JMJD1C: variants seen among roughly 807,000 people sequenced by gnomAD.
The protein encoded by JMJD1C is jumonji domain containing 1C.
In JMJD1C, 31 loss-of-function variants were observed where a neutral mutation model predicts 245.3. That is an observed-to-expected ratio of 0.13 (90% CI 0.09 to 0.17). JMJD1C has a LOEUF of 0.17. JMJD1C is among the 10% of genes least tolerant of loss of function. JMJD1C has a pLI of 1.00. For synonymous variants in JMJD1C, 1,057 were observed against 1,017.4 expected, an observed-to-expected ratio of 1.04 and a Z score of -0.74; for missense variants, 2,691 against 3,000.2, an observed-to-expected ratio of 0.90 and a Z score of 2.41.
rs1314438662 is a variant in JMJD1C, at chr10:63,465,895, C to G, written c.-233G>C. ...CGCAGCCTTGTGCTGCAGCGCCACA[C>G]AAGAAAACTGAAACAAAACCCAACG... On this transcript the variant is annotated 5_prime_UTR_variant, in exon 1 of 26. Coordinates refer to ENST00000399262, the MANE Select transcript of JMJD1C (RefSeq NM_032776.3). 3.1e-6 allele frequency: 2 copies of G among 649,088 alleles called. No individual in the cohort carries two copies. Among genetic ancestry groups the G allele is most frequent in the African/African-American group, 3.6e-5 (2 of 55,438 alleles). 40.2% of individuals were successfully genotyped at this position (649,088 alleles called of 1,614,324 possible). A position where few individuals can be genotyped will look rare whatever the true frequency, so the allele number is the denominator to read the frequency against.
chr10:63,174,341 C>T (rs1409297668), intron 24 of JMJD1C, among the ~76,000 whole-genome samples: 3 of 152,042 alleles, frequency 2.0e-5, no homozygotes, highest in African/African-American at 4.8e-5. Flanking sequence ...AATATTCATA[C>T]AACTACCCAG....
intron 3 of JMJD1C, among the ~76,000 whole-genome samples, chr10:63,246,944 T>A (rs887490642): frequency 1.3e-5 from 2 of 151,162 alleles, no homozygotes; most frequent in Non-Finnish European, 3.0e-5. Flanking sequence ...AAAGCGATAC[T>A]AAGAGGAAAG....
intron 2 of JMJD1C, among the ~76,000 whole-genome samples, chr10:63,267,015 C>T (rs1176296879): frequency 6.6e-6 from 1 of 152,086 alleles, no homozygotes; most frequent in East Asian, 1.9e-4. Flanking sequence ...TTTAAGATGT[C>T]TCATTGAAAG....
intron 2 of JMJD1C, among the ~76,000 whole-genome samples, chr10:63,292,486 C>T (rs970350890): frequency 6.6e-6 from 1 of 151,742 alleles, no homozygotes; most frequent in Non-Finnish European, 1.5e-5. Context: ...TGTTGCATGC[C>T]TATAGTCCTA....
chr10:63,452,102 A>T (rs898654567), intron 1 of JMJD1C, among the ~76,000 whole-genome samples: 1 of 152,228 alleles, frequency 6.6e-6, no homozygotes, highest in Admixed American at 6.5e-5. Context: ...GAACTACATT[A>T]AAATTTATAA....
At chr10:63,220,930 A>C (rs1162100235) in intron 3 of JMJD1C, among the ~76,000 whole-genome samples, 2 of 152,136 alleles carry the variant, frequency 1.3e-5, no homozygotes, top group African/African-American at 4.8e-5. Flanking sequence ...AACATGGTGA[A>C]ACCCCATCTC....
At chr10:63,356,474 T>C (rs1366721496) in intron 2 of JMJD1C, among the ~76,000 whole-genome samples, 1 of 152,212 alleles carries the variant, frequency 6.6e-6, no homozygotes, top group Non-Finnish European at 1.5e-5. Context: ...TTTGATTCCT[T>C]GAAATCCCTA....
intron 1 of JMJD1C, among the ~76,000 whole-genome samples, chr10:63,515,063 C>T (rs1019731401): frequency 1.3e-5 from 2 of 152,064 alleles, no homozygotes; most frequent in South Asian, 4.1e-4. Flanking sequence ...CTGGTGAGCC[C>T]GTGCCTCTAG....
chr10:63,461,376 A>C (rs1952787162), intron 1 of JMJD1C, among the ~76,000 whole-genome samples: 1 of 152,206 alleles, frequency 6.6e-6, no homozygotes, highest in South Asian at 2.1e-4. Flanking sequence ...TAATGATGCA[A>C]GACAATATAA....
chr10:63,245,153 AAAAAGAG>A (rs1471003400), intron 3 of JMJD1C, among the ~76,000 whole-genome samples: 4 of 149,442 alleles, frequency 2.7e-5, no homozygotes, highest in East Asian at 1.9e-4. Flanking sequence ...AAAAAAAAAA[AAAAAGAG>A]AGATTAAAAA....
intron 1 of JMJD1C, among the ~76,000 whole-genome samples, chr10:63,492,227 G>A (rs148415580): frequency 6.6e-6 from 1 of 152,092 alleles, no homozygotes; most frequent in African/African-American, 2.4e-5. Flanking sequence ...TAGAGACAGT[G>A]TTTCACCATG....
At chr10:63,286,237 C>A (rs1857967714) in intron 2 of JMJD1C, among the ~76,000 whole-genome samples, 1 of 152,180 alleles carries the variant, frequency 6.6e-6, no homozygotes, top group African/African-American at 2.4e-5. Context: ...TTTTGCTCCA[C>A]AATTTCAGAA....
intron 2 of JMJD1C, among the ~76,000 whole-genome samples, chr10:63,316,814 TTAAGG>T (rs1239251771): frequency 7.9e-5 from 12 of 152,270 alleles, no homozygotes; most frequent in African/African-American, 2.6e-4. Context: ...ATTGATCAAG[TTAAGG>T]TATTTAGAGT....
intron 1 of JMJD1C, among the ~76,000 whole-genome samples, chr10:63,405,769 G>A (rs1425999783): frequency 1.3e-5 from 2 of 152,196 alleles, no homozygotes; most frequent in East Asian, 1.9e-4. Context: ...AACTCTAGTA[G>A]TAAAAAGTAA....
intron 2 of JMJD1C, among the ~76,000 whole-genome samples, chr10:63,279,137 C>T (rs1329797831): frequency 6.6e-6 from 1 of 151,854 alleles, no homozygotes; most frequent in African/African-American, 2.4e-5. Context: ...GTAATCCCAG[C>T]TACTCAGGAG....
chr10:63,202,840 C>T (rs1846179029), intron 10 of JMJD1C: 1 of 981,096 alleles, frequency 1.0e-6, no homozygotes, highest in South Asian at 4.7e-5. Context: ...TGTTATACTG[C>T]TGATAAATTT....
intron 1 of JMJD1C, among the ~76,000 whole-genome samples, chr10:63,385,122 A>G (rs566677750): frequency 6.6e-6 from 1 of 152,196 alleles, no homozygotes; most frequent in Admixed American, 6.5e-5. Context: ...GAGACAGGGG[A>G]ATGGCTGGTT....
intron 3 of JMJD1C, among the ~76,000 whole-genome samples, chr10:63,223,991 A>T (rs1848948736): frequency 6.6e-6 from 1 of 152,032 alleles, no homozygotes. Context: ...TGACCTCTTG[A>T]TCCGCCTGCG....
intron 2 of JMJD1C, among the ~76,000 whole-genome samples, chr10:63,270,000 C>T (rs184485587): frequency 1.3e-5 from 2 of 152,174 alleles, no homozygotes; most frequent in Non-Finnish European, 2.9e-5. Context: ...TAAGAGGTAT[C>T]TCATGAATAA....
Sources: gnomAD v4.1 joint callset for allele counts (sites outside exome capture counted in the v4.1 genomes callset) on GRCh38, gnomAD v4.1.1 for gene constraint, MANE v1.5 for transcripts, NCBI Gene and HGNC (gene_info 2026-07-23, HGNC 2026-07-21) for gene names.